Variants in RASAL2 observed in about 807,000 individuals in gnomAD.
The protein encoded by RASAL2 is RAS protein activator like 2.
Under a neutral mutation model 128.9 loss-of-function variants are expected in RASAL2, and 58 were observed. That is an observed-to-expected ratio of 0.45 (90% CI 0.36 to 0.56). The LOEUF (loss-of-function observed/expected upper bound fraction) is 0.56. Among genes scored for constraint, RASAL2 ranks in the 20% least tolerant of loss-of-function variants. The probability of loss-of-function intolerance (pLI) is 0.00; values close to 1 mark genes in which losing one functional copy is unlikely to be tolerated. For synonymous variants in RASAL2, 561 were observed against 580.8 expected, an observed-to-expected ratio of 0.97 and a Z score of 0.49; for missense variants, 1,360 against 1,601.6, an observed-to-expected ratio of 0.85 and a Z score of 2.57.
intron 3 of RASAL2, among the ~76,000 whole-genome samples, chr1:178,371,984 A>G (rs545013311): frequency 6.6e-6 from 1 of 152,224 alleles, no homozygotes; most frequent in South Asian, 2.1e-4. Flanking sequence ...CAAGAGACAG[A>G]AGGACAAATC....
rs1647652175 is a variant in RASAL2 at position 178,466,073 on chromosome 1, C to T, written c.3541C>T (p.Arg1181Ter). 1.9e-6 allele frequency: 3 copies of T among 1,580,026 alleles called. No homozygotes were observed. Among genetic ancestry groups the T allele is most frequent in the Non-Finnish European group, 2.6e-6 (3 of 1,161,622 alleles). The change falls in exon 16 of 18, where the codon CGA becomes TGA. Residue 1181 changes from arginine (R) to a stop codon, truncating the protein, a stop_gained. Coordinates refer to ENST00000367649, the MANE Select transcript of RASAL2 (RefSeq NM_170692.4). LOFTEE classifies it high-confidence loss of function. ...ARLEDSEERL[R>*]RQQEEKDSQM... ...ACTGGAGGACAGCGAGGAGCGGCTC[C>T]GAAGACAGCAGGAAGAAAAAGATAG...
intron 9 of RASAL2, among the ~76,000 whole-genome samples, chr1:178,446,097 A>G (rs1311478485): frequency 1.3e-5 from 2 of 152,116 alleles, no homozygotes; most frequent in African/African-American, 4.8e-5. Context: ...CTCCCCCACA[A>G]ATTTCTGCCT....
intron 1 of RASAL2, among the ~76,000 whole-genome samples, chr1:178,186,465 A>G (rs1662303223): frequency 6.6e-6 from 1 of 152,136 alleles, no homozygotes; most frequent in Non-Finnish European, 1.5e-5. Context: ...GCTTTTTAAA[A>G]AAGTATTTTG....
chr1:178,383,935 G>C (rs1672414674), intron 3 of RASAL2, among the ~76,000 whole-genome samples: 1 of 152,190 alleles, frequency 6.6e-6, no homozygotes, highest in African/African-American at 2.4e-5. Context: ...TGACTTGAAT[G>C]GGTACACAAA....
intron 3 of RASAL2, among the ~76,000 whole-genome samples, chr1:178,358,255 AAAAAAAAAAAAGGAAAGGAAACAAAC>A (rs1269982597): frequency 1.3e-5 from 2 of 150,522 alleles, no homozygotes; most frequent in Admixed American, 6.6e-5. Flanking sequence ...AAAAAAAAAA[AAAAAAAAAAAAGGAAAGGAAACAAAC>A]AAGAAGTATT....
chr1:178,202,726 T>C (rs1332025775), intron 1 of RASAL2, among the ~76,000 whole-genome samples: 1 of 152,230 alleles, frequency 6.6e-6, no homozygotes, highest in Non-Finnish European at 1.5e-5. Context: ...AAGGTATTTG[T>C]ATCCCATGTG....
intron 1 of RASAL2, among the ~76,000 whole-genome samples, chr1:178,147,215 G>A (rs189263129): frequency 1.4e-3 from 213 of 152,100 alleles, no homozygotes; most frequent in Admixed American, 2.3e-3. Context: ...ATGGCTGGGC[G>A]CGGTAGGTCA....
Position 178,115,562 on chromosome 1 carries a change from C to T in RASAL2, c.202+20868C>T, listed in dbSNP as rs576754073. ...CACATGCAAAGGTTCTGGTGTTAGC[C>T]AGCATGGCAGCTTTGAGGAACTCTG... On this transcript the variant is annotated intron_variant, in intron 1 of 17. Transcript: ENST00000367649. Among the ~76,000 whole-genome samples the T allele has an allele frequency of 2.0e-5, 3 of 152,286 alleles. No homozygotes were observed. In the South Asian group the frequency reaches 6.2e-4, roughly 32 times the overall value.
intron 1 of RASAL2, among the ~76,000 whole-genome samples, chr1:178,099,209 G>C (rs1384692958): frequency 1.3e-5 from 2 of 152,274 alleles, no homozygotes; most frequent in Middle Eastern, 3.4e-3. Context: ...CTCAGGTACT[G>C]TTAATTGAAT....
chr1:178,232,318 T>G (rs1450973805), intron 1 of RASAL2, among the ~76,000 whole-genome samples: 1 of 152,204 alleles, frequency 6.6e-6, no homozygotes, highest in Non-Finnish European at 1.5e-5. Flanking sequence ...GTCAGCTCTT[T>G]TTTAAAGTTG....
intron 1 of RASAL2, among the ~76,000 whole-genome samples, chr1:178,217,664 T>G (rs1335509495): frequency 6.6e-6 from 1 of 152,222 alleles, no homozygotes; most frequent in African/African-American, 2.4e-5. Flanking sequence ...AATTTAAAAT[T>G]TTTTTATTGC....
chr1:178,470,051 A>G (rs1648114843), intron 17 of RASAL2, among the ~76,000 whole-genome samples: 1 of 152,238 alleles, frequency 6.6e-6, no homozygotes, highest in African/African-American at 2.4e-5. Flanking sequence ...AAATCTTATT[A>G]TAGCAAATGA....
chr1:178,456,808 C>T lies in RASAL2; in HGVS notation c.2299C>T (p.Leu767=). The T allele has an allele frequency of 1.9e-6, 3 of 1,614,200 alleles. No homozygotes were observed. The highest frequency in any genetic ancestry group is 2.5e-6 in the Non-Finnish European group (3 of 1,180,038). ...TAATCCTACGCCAATACAACAGCAA[C>T]TGAGACGCTTCACTGAACATAACTC... ...LTNPTPIQQQ[L]RRFTEHNSSP... is the part of the protein sequence containing the mutation. The change falls in exon 13 of 18, where the codon CTG becomes TTG. Residue 767 remains leucine (L), a synonymous_variant. Transcript: ENST00000367649.
At chr1:178,115,224 C>G (rs1659484945) in intron 1 of RASAL2, among the ~76,000 whole-genome samples, 1 of 152,098 alleles carries the variant, frequency 6.6e-6, no homozygotes, top group Non-Finnish European at 1.5e-5. Context: ...TTGTTTGTGT[C>G]TTTGAAGGAA....
In RASAL2 at chr1:178,454,474, A is replaced by G. The variant is rs1264229846; in HGVS notation, c.2037A>G (p.Ala679=). The G allele has an allele frequency of 6.2e-7, 1 of 1,612,956 alleles. No homozygotes were observed. Among genetic ancestry groups the G allele is most frequent in the African/African-American group, 1.3e-5 (1 of 74,884 alleles). ...AKFGNKEEYM[A]FMNDFLEHEW... is the part of the protein sequence containing the mutation. The stretch of plus-strand genomic sequence containing the variant: ...TTGGTAACAAAGAGGAATACATGGC[A>G]TTCATGAATGATTTTTTAGAACATG... Residue 679 remains alanine (A), a synonymous_variant, in exon 12 of 18, where the codon GCA becomes GCG. Transcript: ENST00000367649.
At chr1:178,259,809 C>T (rs1665574844) in intron 1 of RASAL2, among the ~76,000 whole-genome samples, 1 of 152,084 alleles carries the variant, frequency 6.6e-6, no homozygotes, top group South Asian at 2.1e-4. Context: ...AGTCATCCTC[C>T]CTCCTTGGCC....
At chr1:178,155,462 C>CA (rs766695092) in intron 1 of RASAL2, among the ~76,000 whole-genome samples, 1,208 of 96,350 alleles carry the variant, frequency 0.013, 8 homozygotes, top group African/African-American at 0.019. Context: ...TATAAACCAG[C>CA]AAAAAAAAAA....
chr1:178,094,812 A>G (rs1215251014), intron 1 of RASAL2, 118 bp downstream of exon 1: 3 of 1,258,072 alleles, frequency 2.4e-6, no homozygotes. Context: ...AGTTTCCCAC[A>G]TCCCTTTTTG....
chr1:178,149,299 A>G (rs1202591275), intron 1 of RASAL2, among the ~76,000 whole-genome samples: 1 of 152,154 alleles, frequency 6.6e-6, no homozygotes, highest in Non-Finnish European at 1.5e-5. Context: ...TAGGAATTTT[A>G]ATCTGTTATC....
Sources: gnomAD v4.1 joint callset for allele counts (sites outside exome capture counted in the v4.1 genomes callset) on GRCh38, gnomAD v4.1.1 for gene constraint, MANE v1.5 for transcripts, NCBI Gene and HGNC (gene_info 2026-07-23, HGNC 2026-07-21) for gene names.